Variants in SNRNP200 observed in about 807,000 individuals in gnomAD.
SNRNP200 encodes U5 small nuclear ribonucleoprotein 200 kDa helicase.
SNRNP200 carries 66 observed loss-of-function variants against 255.2 expected under a neutral mutation model. That is an observed-to-expected ratio of 0.26 (90% confidence interval 0.21 to 0.32). SNRNP200 has a LOEUF of 0.32. Among genes scored for constraint, SNRNP200 ranks in the 10% least tolerant of loss-of-function variants. SNRNP200 has a pLI of 1.00. For synonymous variants in SNRNP200, 939 were observed against 1,027.8 expected, an observed-to-expected ratio of 0.91 and a Z score of 1.65; for missense variants, 1,585 against 2,749.8, an observed-to-expected ratio of 0.58 and a Z score of 9.47.
intron 4 of SNRNP200, 46 bp downstream of exon 4, chr2:96,301,478 C>A (rs760387603): frequency 5.7e-5 from 90 of 1,585,438 alleles, no homozygotes; most frequent in Non-Finnish European, 7.3e-5. Context: ...GTTTAGGGGT[C>A]AACAACAACC....
At chr2:96,281,020 C>T (rs1573989976) in intron 35 of SNRNP200, among the ~76,000 whole-genome samples, 1 of 151,796 alleles carries the variant, frequency 6.6e-6, no homozygotes, top group African/African-American at 2.4e-5. Context: ...TAACAGGCAC[C>T]TGCCATCAAA....
chr2:96,289,201 C>T (rs528610651), intron 22 of SNRNP200, 26 bp downstream of exon 22: 12 of 1,614,152 alleles, frequency 7.4e-6, no homozygotes, highest in African/African-American at 4.0e-5. Flanking sequence ...ACCAACTCCC[C>T]GCCCCATCAT....
chr2:96,289,485 G>A lies in SNRNP200; in HGVS notation c.2941-106C>T. 3 of 1,247,206 alleles carry A rather than the reference G, an allele frequency of 2.4e-6. No individual in the cohort carries two copies. In the South Asian group the frequency reaches 3.7e-5, roughly 15 times the overall value. The allele number at this position is 1,247,206 out of a possible 1,614,324, so 77.3% of individuals were successfully genotyped here. On this transcript the variant is annotated intron_variant, in intron 21 of 44. Coordinates refer to ENST00000323853, the MANE Select transcript of SNRNP200 (RefSeq NM_014014.5). ...ATAGGTTTTTTGTACTTTTTTTTTG[G>A]TAAAGTATATGACCCAATGTCATTA...
chr2:96,284,379 G>A lies in SNRNP200; in HGVS notation c.4371C>T (p.His1457=), dbSNP rs2063828946. Residue 1457 remains histidine (H), a synonymous_variant, in exon 31 of 45, where the codon CAC becomes CAT. Coordinates refer to ENST00000323853, the MANE Select transcript of SNRNP200 (RefSeq NM_014014.5). Reference sequence around the variant, plus strand: ...ATACCCCATTCTCGCCCCCGATAAGGTGGACCTCATCCACCACGAAGAGGT... The same window carrying A: ...ATACCCCATTCTCGCCCCCGATAAGATGGACCTCATCCACCACGAAGAGGT... ...NINLFVVDEV[H]LIGGENGPVL... The A allele has an allele frequency of 1.9e-6, 3 of 1,614,062 alleles. No homozygotes were observed. Among genetic ancestry groups the A allele is most frequent in the East Asian group, 4.5e-5 (2 of 44,870 alleles).
At chr2:96,289,016 G>T in intron 23 of SNRNP200, 21 bp downstream of exon 23, 1 of 1,588,120 alleles carries the variant, frequency 6.3e-7, no homozygotes, top group Non-Finnish European at 8.6e-7. Context: ...CCTTATCAAA[G>T]CAAAGAGGAG....
chr2:96,300,681 C>T (rs537944768), intron 5 of SNRNP200, among the ~76,000 whole-genome samples: 4 of 151,664 alleles, frequency 2.6e-5, no homozygotes, highest in South Asian at 2.1e-4. Flanking sequence ...GAGAATGGCG[C>T]GAAACCTGGG....
chr2:96,279,047 G>A (rs773666665), intron 36 of SNRNP200, 49 bp from the exon 37 acceptor site: 68 of 1,473,780 alleles, frequency 4.6e-5, no homozygotes, highest in Admixed American at 6.7e-5. Context: ...GTGACAACAC[G>A]GTCACAGAGG....
At chr2:96,300,373 G>A (rs564612454) in intron 5 of SNRNP200, among the ~76,000 whole-genome samples, 1 of 152,276 alleles carries the variant, frequency 6.6e-6, no homozygotes, top group Non-Finnish European at 1.5e-5. Context: ...AGGTTAAAAT[G>A]CAGTAAAACA....
Position 96,274,727 on chromosome 2 carries a change from C to T in SNRNP200, c.*285G>A. 2.1e-6 allele frequency: 1 copy of T among 473,786 alleles called. No individual in the cohort carries two copies. The allele number at this position is 473,786 out of a possible 1,614,324, so 29.3% of individuals were successfully genotyped here. On this transcript the variant is annotated 3_prime_UTR_variant, in exon 45 of 45. Transcript: ENST00000323853. ...TTTTAATTTGGAATCACTACAAAGACAAATGGTTTCTACAAATTATTTTAT... is the reference window on the plus strand; with the variant it reads ...TTTTAATTTGGAATCACTACAAAGATAAATGGTTTCTACAAATTATTTTAT...
chr2:96,281,716 A>G, intron 35 of SNRNP200, 98 bp downstream of exon 35: 1 of 1,010,462 alleles, frequency 9.9e-7, no homozygotes, highest in Non-Finnish European at 1.6e-6. Context: ...CTTCCCTAAC[A>G]CCTTTTCTTC....
chr2:96,286,784 A>G lies in SNRNP200; in HGVS notation c.3733T>C (p.Tyr1245His), dbSNP rs1348871244. 1.2e-6 allele frequency: 2 copies of G among 1,614,080 alleles called. No individual in the cohort carries two copies. The highest frequency in any genetic ancestry group is 2.7e-5 in the African/African-American group (2 of 74,912). Residue 1245 changes from tyrosine to histidine, a missense_variant, in exon 28 of 45, where the codon TAC becomes CAC. Physicochemically the swap from Tyr to His is moderately conservative, Grantham distance 83. Transcript: ENST00000323853. The surrounding 1 kb of genome is among the most constrained non-coding windows in gnomAD (Gnocchi z 4.8). ...GTAATGAGGTGCTCGTCCTGGGCGT[A>G]CTTGGCCTTGAGGAGAAAATACTCA... ...HHEYFLLKAK[Y>H]AQDEHLITFF...
At chr2:96,292,885 T>C in intron 16 of SNRNP200, 87 bp downstream of exon 16, 1 of 1,498,054 alleles carries the variant, frequency 6.7e-7, no homozygotes, top group Non-Finnish European at 9.2e-7. Flanking sequence ...CTTCTCTCTT[T>C]TAATTTCTGT....
At chr2:96,276,858 G>A (rs761313534) in intron 43 of SNRNP200, 46 bp downstream of exon 43, 185 of 1,580,210 alleles carry the variant, frequency 1.2e-4, no homozygotes, top group Non-Finnish European at 1.5e-4. Flanking sequence ...CCTAGCCAAT[G>A]GATAGGGTGA....
At position 96,291,306 on chromosome 2, in the gene SNRNP200, C is replaced by T; in HGVS notation, c.2421+86G>A. ...AGCTGGGCCAGAAGCAATAAAGTAC[C>T]AGGAGCAAACATGGCACAAACTTGA... On this transcript the variant is annotated intron_variant, in intron 18 of 44. Transcript: ENST00000323853. The surrounding 1 kb of genome is among the most constrained non-coding windows in gnomAD (Gnocchi z 4.2). The T allele has an allele frequency of 1.2e-6, 1 of 842,080 alleles. No individual in the cohort carries two copies. The highest frequency in any genetic ancestry group is 2.1e-6 in the Non-Finnish European group (1 of 478,250). The allele number at this position is 842,080 out of a possible 1,614,324, so 52.2% of individuals were successfully genotyped here.
rs1349037176 is a variant in SNRNP200, at chr2:96,289,387, G to T, written c.2941-8C>A. ...ACGGCCCAGTTCTGTCACCTGGAGA[G>T]AAGGTAGACTCAATCCAGTGCTGAC... On this transcript the variant is annotated splice_polypyrimidine_tract_variant and splice_region_variant and intron_variant, in intron 21 of 44. Coordinates refer to ENST00000323853, the MANE Select transcript of SNRNP200 (RefSeq NM_014014.5). The T allele has an allele frequency of 1.9e-6, 3 of 1,613,708 alleles. No homozygotes were observed. The Admixed American group carries it at 5.0e-5, about 27-fold the overall frequency.
Position 96,281,814 on chromosome 2 carries a change from G to A in SNRNP200, c.5024C>T (p.Ala1675Val), listed in dbSNP as rs541112526. ...AACACAGAGCACCAGTTGTACTCAC[G>A]CGTGGATCTTGCCATTGTAGTACTG... The part of the protein sequence containing the change: ...DTQYYNGKIH[A>V]YVDYPIYDVL... The change falls in exon 35 of 45, where the codon GCC (alanine) becomes GTC (valine). Residue 1675 changes from alanine (A) to valine (V), a missense_variant and splice_region_variant. By Grantham distance (64) the Ala-to-Val change is moderately conservative (BLOSUM62 0). This residue lies in a region of SNRNP200 where 719 missense variants were observed against 1,091.1 expected (regional missense o/e 0.66). Transcript: ENST00000323853. 14 of 1,606,294 alleles carry A rather than the reference G, an allele frequency of 8.7e-6. No homozygotes were observed. The highest frequency in any genetic ancestry group is 2.2e-5 in the East Asian group (1 of 44,838).
intron 21 of SNRNP200, 82 bp from the exon 22 acceptor site, chr2:96,289,461 T>C (rs2063869825): frequency 2.0e-6 from 3 of 1,505,262 alleles, no homozygotes; most frequent in Non-Finnish European, 1.8e-6. Flanking sequence ...TACTGTCCTA[T>C]AGGTTTTTTG....
At chr2:96,301,488 C>G in intron 4 of SNRNP200, 36 bp downstream of exon 4, 3 of 1,605,654 alleles carry the variant, frequency 1.9e-6, no homozygotes, top group Non-Finnish European at 2.6e-6. Context: ...CAACAACAAC[C>G]AATGAACATG....
Position 96,290,410 on chromosome 2 carries a change from T to C in SNRNP200, c.2658A>G (p.Gln886=). The part of the protein sequence containing the change: ...LQYYLSLLNQ[Q]LPIESQMVSK... ...AAACCATCTGGCTTTCAATAGGAAG[T>C]TGTTGATTGAGGAGGGACAGGTAGT... Residue 886 remains glutamine (Q), a synonymous_variant, in exon 20 of 45, where the codon CAA becomes CAG. Transcript: ENST00000323853. This position sits in a 1 kb window ranked among gnomAD's most constrained non-coding sequence, Gnocchi z 4.5. 3 of 1,614,104 alleles carry C rather than the reference T, an allele frequency of 1.9e-6. No individual in the cohort carries two copies. Among genetic ancestry groups the C allele is most frequent in the Non-Finnish European group, 2.5e-6 (3 of 1,179,986 alleles).
Sources: allele counts gnomAD v4.1 joint callset (sites outside exome capture counted in the v4.1 genomes callset), GRCh38; gene constraint gnomAD v4.1.1; regional missense constraint gnomAD v4.1.1; non-coding constraint Gnocchi (gnomAD v3.1); transcripts MANE v1.5; gene names NCBI Gene and HGNC (gene_info 2026-07-23, HGNC 2026-07-21).